The following LRRC37A2 variants were observed in gnomAD, a reference collection of about 807,000 sequenced individuals.
LRRC37A2 encodes leucine-rich repeat-containing protein 37A2.
LRRC37A2 carries 9 observed loss-of-function variants against 68.8 expected under a neutral mutation model. The ratio of observed to expected loss-of-function variants is 0.13; its 90% CI spans 0.08 to 0.23. LRRC37A2 has a LOEUF of 0.23. LRRC37A2 is among the 10% of genes least tolerant of loss of function. LRRC37A2 has a pLI of 1.00. For synonymous variants in LRRC37A2, 63 were observed against 367.6 expected, an observed-to-expected ratio of 0.17 and a Z score of 9.48; for missense variants, 168 against 950.4, an observed-to-expected ratio of 0.18 and a Z score of 10.82.
chr17:46,997,222 C>T, the LRRC37A2 span, among the ~76,000 whole-genome samples: 1 of 152,020 alleles, frequency 6.6e-6, no homozygotes, highest in Non-Finnish European at 1.5e-5. Context: ...TGTGGTGGCA[C>T]ATGTCTGTAG....
At chr17:46,851,693 G>A in the LRRC37A2 span, 2 of 1,278,268 alleles carry the variant, frequency 1.6e-6, no homozygotes, top group Non-Finnish European at 2.0e-6. This position sits in a 1 kb window ranked among gnomAD's most constrained non-coding sequence, Gnocchi z 4.3. Flanking sequence ...GGCGCTGCCC[G>A]CCGCCGCCGC....
At chr17:46,911,436 A>G in the LRRC37A2 span, 2 of 152,348 alleles carry the variant, frequency 1.3e-5, no homozygotes, top group South Asian at 4.1e-4. Flanking sequence ...TCACACTTCA[A>G]TACTGACCTG....
At chr17:46,987,371 A>G in the LRRC37A2 span, among the ~76,000 whole-genome samples, 1 of 152,218 alleles carries the variant, frequency 6.6e-6, no homozygotes, top group Non-Finnish European at 1.5e-5. Flanking sequence ...ACTTCATCCA[A>G]AACACAGGGG....
At chr17:46,996,171 C>T in the LRRC37A2 span, among the ~76,000 whole-genome samples, 1 of 152,156 alleles carries the variant, frequency 6.6e-6, no homozygotes, top group Non-Finnish European at 1.5e-5. Context: ...ATCCCAATGC[C>T]ACCAGTATCT....
chr17:46,728,875 C>T, the LRRC37A2 span: 3 of 1,608,598 alleles, frequency 1.9e-6, no homozygotes, highest in Non-Finnish European at 2.5e-6. Context: ...TATTGGCCCT[C>T]GATTTTCAAA....
chr17:46,811,018 G>A, the LRRC37A2 span, among the ~76,000 whole-genome samples: 2 of 152,150 alleles, frequency 1.3e-5, no homozygotes, highest in African/African-American at 4.8e-5. Flanking sequence ...CACACATAAT[G>A]AGGCCATTTT....
the LRRC37A2 span, among the ~76,000 whole-genome samples, chr17:46,761,990 C>T: frequency 7.9e-5 from 12 of 152,360 alleles, no homozygotes; most frequent in Middle Eastern, 6.8e-3. Context: ...CCAGGGCACA[C>T]GCTTTCTTCT....
chr17:46,731,014 TTC>T, the LRRC37A2 span, among the ~76,000 whole-genome samples: 1 of 152,144 alleles, frequency 6.6e-6, no homozygotes, highest in Non-Finnish European at 1.5e-5. Flanking sequence ...AACCCAGCTA[TTC>T]CACCAAGTAT....
the LRRC37A2 span, among the ~76,000 whole-genome samples, chr17:46,707,219 A>G: frequency 1.3e-5 from 2 of 152,170 alleles, no homozygotes; most frequent in East Asian, 3.8e-4. Context: ...TTTGCATTTT[A>G]GTTATTAGAG....
the LRRC37A2 span, among the ~76,000 whole-genome samples, chr17:46,793,562 G>A: frequency 1.3e-5 from 2 of 152,158 alleles, no homozygotes; most frequent in Non-Finnish European, 2.9e-5. Flanking sequence ...AGGAGGAGAG[G>A]AGACCCCCGA....
chr17:46,721,868 A>T, the LRRC37A2 span: 1 of 1,586,776 alleles, frequency 6.3e-7, no homozygotes. Context: ...CTTAGGCAGA[A>T]TTCTCCTCTG....
chr17:46,916,399 AG>A, the LRRC37A2 span, among the ~76,000 whole-genome samples: 10 of 152,218 alleles, frequency 6.6e-5, no homozygotes, highest in Non-Finnish European at 1.3e-4. Flanking sequence ...TGTGGAAGGC[AG>A]GGGTGCAGTC....
chr17:46,797,359 G>T, the LRRC37A2 span, among the ~76,000 whole-genome samples: 1 of 152,216 alleles, frequency 6.6e-6, no homozygotes, highest in African/African-American at 2.4e-5. Flanking sequence ...GGCAGCTCCA[G>T]GCTGGGTTTT....
the LRRC37A2 span, chr17:46,924,386 C>T: frequency 6.6e-6 from 1 of 152,226 alleles, no homozygotes; most frequent in Non-Finnish European, 1.5e-5. Flanking sequence ...GAGTTGTTTC[C>T]ACCATTGGGC....
At chr17:46,845,138 A>G in the LRRC37A2 span, among the ~76,000 whole-genome samples, 1 of 152,124 alleles carries the variant, frequency 6.6e-6, no homozygotes, top group Non-Finnish European at 1.5e-5. Context: ...CGTAAGCCAC[A>G]GTGCCTGGTC....
the LRRC37A2 span, among the ~76,000 whole-genome samples, chr17:46,902,633 G>C: frequency 6.6e-6 from 1 of 152,084 alleles, no homozygotes; most frequent in East Asian, 1.9e-4. Context: ...CTTGGGTGGG[G>C]GTTGCTGAGA....
chr17:46,923,133 G>C, the LRRC37A2 span: 1 of 1,160,424 alleles, frequency 8.6e-7, no homozygotes, highest in South Asian at 1.3e-5. Flanking sequence ...CGGAAGGGGG[G>C]CTGTGAGGAC....
chr17:46,781,962 A>G, the LRRC37A2 span, among the ~76,000 whole-genome samples: 1 of 152,180 alleles, frequency 6.6e-6, no homozygotes, highest in Non-Finnish European at 1.5e-5. Context: ...CAGGCTTTTA[A>G]CCTGGGGGTG....
chr17:46,876,251 A>C, the LRRC37A2 span: 1 of 1,606,858 alleles, frequency 6.2e-7, no homozygotes, highest in East Asian at 2.2e-5. Context: ...ACAGGCTGTG[A>C]AGAGTGGCCT....
Sources: allele counts gnomAD v4.1 joint callset (sites outside exome capture counted in the v4.1 genomes callset), GRCh38; gene constraint gnomAD v4.1.1; non-coding constraint Gnocchi (gnomAD v3.1); transcripts MANE v1.5; gene names NCBI Gene and HGNC (gene_info 2026-07-23, HGNC 2026-07-21).